Variants in C2CD2 observed in about 807,000 individuals in gnomAD.
The protein encoded by C2CD2 is C2 calcium dependent domain containing 2, also known as C2 domain-containing protein 2.
A neutral mutation model predicts 74.3 loss-of-function variants in C2CD2; 43 were observed. The ratio of observed to expected loss-of-function variants is 0.58; its 90% CI spans 0.45 to 0.75. The LOEUF (loss-of-function observed/expected upper bound fraction) is 0.75. Ranked by LOEUF, C2CD2 falls within the 30% of genes least tolerant of loss-of-function variation. The probability of loss-of-function intolerance (pLI) is 0.00; values close to 1 mark genes in which losing one functional copy is unlikely to be tolerated. For missense variants in C2CD2, 801 were observed against 916.3 expected, an observed-to-expected ratio of 0.87 and a Z score of 1.63; for synonymous variants, 422 against 390.7, an observed-to-expected ratio of 1.08 and a Z score of -0.94.
Position 41,899,204 on chromosome 21 carries a change from C to T in C2CD2, c.1719G>A (p.Lys573=), listed in dbSNP as rs1472386519. 1.2e-6 allele frequency: 2 copies of T among 1,612,300 alleles called. No homozygotes were observed. Among genetic ancestry groups the T allele is most frequent in the East Asian group, 2.2e-5 (1 of 44,844 alleles). The part of the protein sequence containing the change: ...AESAQASLAP[K]PQEDELDSWD... ...AGGAGTCTAGCTCGTCCTCCTGGGGCTTGGGGGCAAGGGATGCCTGGGCTG... is the reference window on the plus strand; with the variant it reads ...AGGAGTCTAGCTCGTCCTCCTGGGGTTTGGGGGCAAGGGATGCCTGGGCTG... Residue 573 remains lysine (K), a synonymous_variant, in exon 13 of 14, where the codon AAG becomes AAA. Transcript: ENST00000380486. This position sits in a 1 kb window ranked among gnomAD's most constrained non-coding sequence, Gnocchi z 4.4.
At position 41,899,516 on chromosome 21, in the gene C2CD2, C is replaced by G. The variant is rs1478965487; in HGVS notation, c.1561-154G>C. Among the ~76,000 whole-genome samples the G allele has an allele frequency of 6.6e-6, 1 of 152,172 alleles. No homozygotes were observed. The highest frequency in any genetic ancestry group is 1.9e-4 in the East Asian group (1 of 5,188). The stretch of plus-strand genomic sequence containing the variant: ...CCTCATAGAAGGCGCTTATACATCA[C>G]GGCCGTTGCTCATGCTTGGGTTAAA... On this transcript the variant is annotated intron_variant, in intron 12 of 13. Coordinates refer to ENST00000380486, the MANE Select transcript of C2CD2 (RefSeq NM_015500.2). The surrounding 1 kb of genome is among the most constrained non-coding windows in gnomAD (Gnocchi z 4.4).
Position 41,889,061 on chromosome 21 carries a change from G to A in C2CD2, c.*63C>T, listed in dbSNP as rs1259050143. 41 of 1,240,934 alleles carry A rather than the reference G, an allele frequency of 3.3e-5. No homozygotes were observed. Among genetic ancestry groups the A allele is most frequent in the African/African-American group, 1.6e-4 (11 of 67,598 alleles). The allele number at this position is 1,240,934 out of a possible 1,614,324, so 76.9% of individuals were successfully genotyped here. On this transcript the variant is annotated 3_prime_UTR_variant, in exon 14 of 14. Coordinates refer to ENST00000380486, the MANE Select transcript of C2CD2 (RefSeq NM_015500.2). Reference sequence around the variant, plus strand: ...GACATCCGGCGGACACACTGGCTGCGTCCTGGTGAGGGTAGTTAACATGGG... The same window carrying A: ...GACATCCGGCGGACACACTGGCTGCATCCTGGTGAGGGTAGTTAACATGGG...
intron 13 of C2CD2, among the ~76,000 whole-genome samples, chr21:41,889,878 A>C (rs1252864454): frequency 6.6e-6 from 1 of 151,902 alleles, no homozygotes; most frequent in Non-Finnish European, 1.5e-5. Flanking sequence ...CAGGTGATCC[A>C]CCCCTCCCTC....
intron 12 of C2CD2, among the ~76,000 whole-genome samples, chr21:41,900,175 G>A (rs973421616): frequency 1.3e-5 from 2 of 152,134 alleles, no homozygotes; most frequent in Non-Finnish European, 2.9e-5. Context: ...TCAGGAGGCC[G>A]AGGCAGGAGA....
intron 12 of C2CD2, chr21:41,901,282 G>A (rs1485780105): frequency 1.2e-5 from 4 of 347,048 alleles, no homozygotes; most frequent in Non-Finnish European, 1.6e-5. Context: ...AAAGTTCCCC[G>A]TGACTGGGTG....
chr21:41,951,656 T>C (rs2065451604), intron 1 of C2CD2, among the ~76,000 whole-genome samples: 1 of 152,214 alleles, frequency 6.6e-6, no homozygotes. Flanking sequence ...CATCCAAAAC[T>C]TTCAAATATT....
At position 41,892,602 on chromosome 21, in the gene C2CD2, C is replaced by T. The variant is rs934535987; in HGVS notation, c.1871-3258G>A. 3.9e-5 allele frequency among the ~76,000 whole-genome samples: 6 copies of T among 152,212 alleles called. No individual in the cohort carries two copies. The highest frequency in any genetic ancestry group is 6.5e-5 in the Admixed American group (1 of 15,294). On this transcript the variant is annotated intron_variant, in intron 13 of 13. Coordinates refer to ENST00000380486, the MANE Select transcript of C2CD2 (RefSeq NM_015500.2). The surrounding 1 kb of genome is among the most constrained non-coding windows in gnomAD (Gnocchi z 4.6). ...ACAACAGGCCTCTAAGGACAACAGG[C>T]GTGCAGGCCCTTCCTGGAGAATCTG...
chr21:41,900,297 A>AAAATG (rs1165344884), intron 12 of C2CD2, among the ~76,000 whole-genome samples: 2 of 152,210 alleles, frequency 1.3e-5, no homozygotes, highest in African/African-American at 4.8e-5. Flanking sequence ...AAAATAAAAT[A>AAAATG]AAGATTAGAT....
At chr21:41,919,023 T>G in intron 3 of C2CD2, 63 bp from the exon 4 acceptor site, 1 of 1,161,052 alleles carries the variant, frequency 8.6e-7, no homozygotes, top group Non-Finnish European at 1.3e-6. Flanking sequence ...TGCACGTGCG[T>G]GTGCATGTGA....
In C2CD2 at chr21:41,939,959, G is replaced by A. The variant is rs987021334; in HGVS notation, c.378+2188C>T. On this transcript the variant is annotated intron_variant, in intron 2 of 13. Transcript: ENST00000380486. The surrounding 1 kb of genome is among the most constrained non-coding windows in gnomAD (Gnocchi z 5.5). ...ACAATCGCTGCAGCACTGTCTGTGC[G>A]GACTGAGCATCCCGAATCCGAACAT... Among the ~76,000 whole-genome samples the A allele has an allele frequency of 2.6e-5, 4 of 152,132 alleles. No individual in the cohort carries two copies. Among genetic ancestry groups the A allele is most frequent in the African/African-American group, 7.2e-5 (3 of 41,438 alleles).
chr21:41,891,174 G>A (rs1182384853), intron 13 of C2CD2, among the ~76,000 whole-genome samples: 1 of 114,480 alleles, frequency 8.7e-6, no homozygotes, highest in East Asian at 3.3e-4. Context: ...CTAAAGTTAG[G>A]AGCCTGTGTG....
In C2CD2 at chr21:41,903,677, G is replaced by A. The variant is rs1358299025; in HGVS notation, c.1433-1928C>T. ...AAAGCCACCAAGGGAGACGTGTCGG[G>A]AGCACGTCCTCCTCACGCCAGGCCC... On this transcript the variant is annotated intron_variant, in intron 11 of 13. Coordinates refer to ENST00000380486, the MANE Select transcript of C2CD2 (RefSeq NM_015500.2). This position sits in a 1 kb window ranked among gnomAD's most constrained non-coding sequence, Gnocchi z 4.5. Among the ~76,000 whole-genome samples the A allele has an allele frequency of 3.9e-5, 6 of 152,138 alleles. No homozygotes were observed. The highest frequency in any genetic ancestry group is 1.4e-4 in the African/African-American group (6 of 41,416).
In C2CD2 at chr21:41,953,669, C is replaced by G. The variant is rs899916595; in HGVS notation, c.-21G>C. On this transcript the variant is annotated 5_prime_UTR_variant, in exon 1 of 14. Coordinates refer to ENST00000380486, the MANE Select transcript of C2CD2 (RefSeq NM_015500.2). Reference sequence around the variant, plus strand: ...GCCATGGCGCATCCCCGGCCCGCCTCGCCCCAACTTCCCCGGCAGCCCCGG... The same window carrying G: ...GCCATGGCGCATCCCCGGCCCGCCTGGCCCCAACTTCCCCGGCAGCCCCGG... 7.9e-6 allele frequency: 11 copies of G among 1,389,388 alleles called. No homozygotes were observed. In the African/African-American group the frequency reaches 1.7e-4, roughly 21 times the overall value. The allele number at this position is 1,389,388 out of a possible 1,614,324, so 86.1% of individuals were successfully genotyped here. A position where few individuals can be genotyped will look rare whatever the true frequency, so the allele number is the denominator to read the frequency against.
At chr21:41,904,604 G>A (rs1165453018) in intron 11 of C2CD2, among the ~76,000 whole-genome samples, 1 of 152,216 alleles carries the variant, frequency 6.6e-6, no homozygotes, top group Non-Finnish European at 1.5e-5. Context: ...AGAACTGCAG[G>A]TGGGGGACCC....
intron 2 of C2CD2, among the ~76,000 whole-genome samples, chr21:41,925,163 C>T (rs933682283): frequency 6.6e-6 from 1 of 152,150 alleles, no homozygotes; most frequent in Non-Finnish European, 1.5e-5. Flanking sequence ...TTAGCCTCCC[C>T]TCAGAATTTG....
Position 41,885,623 on chromosome 21 carries a change from G to C in C2CD2, c.*3501C>G, listed in dbSNP as rs1292669430. 6.6e-6 allele frequency: 1 copy of C among 152,636 alleles called. No homozygotes were observed. The highest frequency in any genetic ancestry group is 1.5e-5 in the Non-Finnish European group (1 of 68,072). 9.5% of individuals were successfully genotyped at this position (152,636 alleles called of 1,614,324 possible). A position where few individuals can be genotyped will look rare whatever the true frequency, so the allele number is the denominator to read the frequency against. On this transcript the variant is annotated 3_prime_UTR_variant, in exon 14 of 14. Coordinates refer to ENST00000380486, the MANE Select transcript of C2CD2 (RefSeq NM_015500.2). ...ACGCCAGCCCCGAGGTCTGTTTTCC[G>C]TCAGACAGAGATACGTGTCCTGCCT...
At chr21:41,919,034 C>CTG (rs3833357) in intron 3 of C2CD2, 74 bp from the exon 4 acceptor site, 28 of 989,266 alleles carry the variant, frequency 2.8e-5, no homozygotes, top group Non-Finnish European at 2.3e-5. Flanking sequence ...GTGCATGTGA[C>CTG]TGTGTGAGCA....
intron 2 of C2CD2, among the ~76,000 whole-genome samples, chr21:41,933,032 G>A (rs73904784): frequency 0.011 from 1,676 of 150,342 alleles, 54 homozygotes; most frequent in African/African-American, 0.038. Context: ...TTATCCTTCC[G>A]ATCAGAGATG....
rs1051396976 is a variant in C2CD2 at position 41,888,959 on chromosome 21, C to A, written c.*165G>T. ...GTCCTCTCTGGGAGAAGCCTCCTGG[C>A]TGGAGACTCAGATTTTGTTTTCCCT... On this transcript the variant is annotated 3_prime_UTR_variant, in exon 14 of 14. Transcript: ENST00000380486. The A allele has an allele frequency of 9.5e-6, 6 of 631,308 alleles. No homozygotes were observed. Among genetic ancestry groups the A allele is most frequent in the Non-Finnish European group, 1.7e-5 (6 of 358,730 alleles). The allele number at this position is 631,308 out of a possible 1,614,324, so 39.1% of individuals were successfully genotyped here. A position where few individuals can be genotyped will look rare whatever the true frequency, so the allele number is the denominator to read the frequency against.
Sources: gnomAD v4.1 joint callset for allele counts (sites outside exome capture counted in the v4.1 genomes callset) on GRCh38, gnomAD v4.1.1 for gene constraint, Gnocchi (gnomAD v3.1) non-coding constraint, MANE v1.5 for transcripts, NCBI Gene and HGNC (gene_info 2026-07-23, HGNC 2026-07-21) for gene names.